The following SRGAP1 variants were observed in gnomAD, a reference collection of about 807,000 sequenced individuals.
The protein encoded by SRGAP1 is SLIT-ROBO Rho GTPase-activating protein 1.
Under a neutral mutation model 121.9 loss-of-function variants are expected in SRGAP1, and 43 were observed. The ratio of observed to expected loss-of-function variants is 0.35; its 90% CI spans 0.28 to 0.46. The LOEUF is 0.46. Among genes scored for constraint, SRGAP1 ranks in the 20% least tolerant of loss-of-function variants. The pLI, the probability that SRGAP1 is intolerant of heterozygous loss-of-function variation, is 1.00. For missense variants in SRGAP1, 1,102 were observed against 1,350.9 expected (o/e 0.82, Z 2.89); for synonymous variants, 447 against 485.4 (o/e 0.92, Z 1.04).
rs541019579 is a variant in SRGAP1, at chr12:64,089,413, G to T, written c.1437-1863G>T. On this transcript the variant is annotated intron_variant, in intron 11 of 21. Coordinates refer to ENST00000355086, the MANE Select transcript of SRGAP1 (RefSeq NM_020762.4). Reference sequence around the variant, plus strand: ...GGTGCTTCCTTCTGTGGCCTCCCTGGTGGTGGGGCACATCCCCAACTCTTT... The same window carrying T: ...GGTGCTTCCTTCTGTGGCCTCCCTGTTGGTGGGGCACATCCCCAACTCTTT... 2.6e-4 allele frequency among the ~76,000 whole-genome samples: 39 copies of T among 152,306 alleles called. No homozygotes were observed. The South Asian group carries it at 7.9e-3, about 31-fold the overall frequency.
At chr12:63,860,264 G>A (rs1247676616) in intron 1 of SRGAP1, among the ~76,000 whole-genome samples, 4 of 152,268 alleles carry the variant, frequency 2.6e-5, no homozygotes, top group Admixed American at 1.3e-4. Flanking sequence ...GCCTGCCTTG[G>A]ACTCCCAAAG....
chr12:64,125,871 T>C (rs2036678830), intron 18 of SRGAP1, 106 bp from the exon 19 acceptor site: 3 of 1,146,020 alleles, frequency 2.6e-6, no homozygotes, highest in Non-Finnish European at 3.7e-6. Flanking sequence ...AGTCTAGATA[T>C]TAAAATGGTC....
intron 1 of SRGAP1, among the ~76,000 whole-genome samples, chr12:63,855,473 GTTTTTTTTTTTTTTTTTTTTT>G (rs781701925): frequency 1.9e-5 from 1 of 52,898 alleles, no homozygotes; most frequent in Admixed American, 3.4e-4. Flanking sequence ...GAAAAATGGT[GTTTTTTTTTTTTTTTTTTTTT>G]TTTTTTTTTT....
chr12:64,084,034 A>C (rs1158327666), intron 10 of SRGAP1, among the ~76,000 whole-genome samples: 5 of 152,224 alleles, frequency 3.3e-5, no homozygotes, highest in Non-Finnish European at 7.3e-5. Flanking sequence ...AAAGGACTGG[A>C]AAGTAATGCC....
intron 1 of SRGAP1, among the ~76,000 whole-genome samples, chr12:63,943,392 C>A (rs1173845932): frequency 6.6e-6 from 1 of 152,204 alleles, no homozygotes; most frequent in Non-Finnish European, 1.5e-5. Context: ...GAGCTCTTAG[C>A]TATGCCAGGC....
rs1467425696 is a variant in SRGAP1 at position 64,155,568 on chromosome 12, TTAAAAAA to T, written c.*12901_*12907del. On this transcript the variant is annotated 3_prime_UTR_variant, in exon 22 of 22. Coordinates refer to ENST00000355086, the MANE Select transcript of SRGAP1 (RefSeq NM_020762.4). Reference sequence around the variant, plus strand: ...CAAAATAAATAAATAAATAAATATATTAAAAAATAAACAAGTTCAGGCTTGTTAAATA... The same window carrying T: ...CAAAATAAATAAATAAATAAATATATTAAACAAGTTCAGGCTTGTTAAATA... The T allele has an allele frequency of 6.6e-6, 1 of 151,746 alleles. No homozygotes were observed. The highest frequency in any genetic ancestry group is 1.5e-5 in the Non-Finnish European group (1 of 67,972). The allele number at this position is 151,746 out of a possible 1,614,324, so 9.4% of individuals were successfully genotyped here.
intron 11 of SRGAP1, among the ~76,000 whole-genome samples, chr12:64,089,861 G>A (rs916409361): frequency 6.6e-6 from 1 of 152,200 alleles, no homozygotes; most frequent in Non-Finnish European, 1.5e-5. Flanking sequence ...TGTACCAGTA[G>A]GTTTGTTTCC....
At chr12:63,949,076 A>ATATGAATTTTCCATG (rs2032175865) in intron 1 of SRGAP1, among the ~76,000 whole-genome samples, 1 of 139,758 alleles carries the variant, frequency 7.2e-6, no homozygotes, top group South Asian at 2.3e-4. Context: ...TATTTTCCAT[A>ATATGAATTTTCCATG]TATGTATTTT....
At position 64,107,674 on chromosome 12, in the gene SRGAP1, A is replaced by G. The variant is rs555678823; in HGVS notation, c.1814-1258A>G. Among the ~76,000 whole-genome samples the G allele has an allele frequency of 1.3e-4, 20 of 152,312 alleles. No homozygotes were observed. In the South Asian group the frequency reaches 3.9e-3, roughly 30 times the overall value. ...TTAAAAAACAACAATAATAATGAGAATGAGTTGACTATGGTGTCAGAGGCT... is the reference window on the plus strand; with the variant it reads ...TTAAAAAACAACAATAATAATGAGAGTGAGTTGACTATGGTGTCAGAGGCT... On this transcript the variant is annotated intron_variant, in intron 15 of 21. Coordinates refer to ENST00000355086, the MANE Select transcript of SRGAP1 (RefSeq NM_020762.4).
At chr12:64,015,264 G>A (rs1565640193) in intron 3 of SRGAP1, among the ~76,000 whole-genome samples, 1 of 152,136 alleles carries the variant, frequency 6.6e-6, no homozygotes, top group African/African-American at 2.4e-5. Flanking sequence ...TGAAGTCATA[G>A]GAGATTTGTA....
intron 2 of SRGAP1, among the ~76,000 whole-genome samples, chr12:63,984,378 A>C (rs1593005163): frequency 6.6e-6 from 1 of 152,204 alleles, no homozygotes; most frequent in Non-Finnish European, 1.5e-5. Flanking sequence ...GGATAGCTTT[A>C]TATGCCAGAA....
chr12:63,930,653 T>C (rs1241955520), intron 1 of SRGAP1, among the ~76,000 whole-genome samples: 1 of 152,094 alleles, frequency 6.6e-6, no homozygotes, highest in Non-Finnish European at 1.5e-5. Context: ...ATTTCTTTTC[T>C]CAGAAGAAAG....
chr12:63,899,123 A>G (rs1900846524), intron 1 of SRGAP1, among the ~76,000 whole-genome samples: 1 of 152,152 alleles, frequency 6.6e-6, no homozygotes, highest in African/African-American at 2.4e-5. Flanking sequence ...CTGTAATCCC[A>G]GCACTCCTAG....
chr12:63,846,270 A>G (rs941424205), intron 1 of SRGAP1, among the ~76,000 whole-genome samples: 1 of 152,168 alleles, frequency 6.6e-6, no homozygotes, highest in Non-Finnish European at 1.5e-5. Context: ...GAGCCAGGTA[A>G]ACTTTCTAAT....
At chr12:64,024,650 T>G (rs58129443) in intron 4 of SRGAP1, among the ~76,000 whole-genome samples, 6,019 of 152,224 alleles carry the variant, frequency 0.04, 413 homozygotes, top group African/African-American at 0.14. Flanking sequence ...TTAGTCCGTT[T>G]TCACACTGCA....
chr12:63,947,803 C>T (rs370580150), intron 1 of SRGAP1, among the ~76,000 whole-genome samples: 1 of 152,202 alleles, frequency 6.6e-6, no homozygotes, highest in Non-Finnish European at 1.5e-5. Context: ...TAGCTCATTG[C>T]ACTCACCACA....
At chr12:64,047,961 T>A (rs1467086624) in intron 6 of SRGAP1, among the ~76,000 whole-genome samples, 1 of 152,160 alleles carries the variant, frequency 6.6e-6, no homozygotes, top group African/African-American at 2.4e-5. Flanking sequence ...CCTCAAGCAT[T>A]TATCATTTCT....
At chr12:63,956,128 C>T (rs2032456594) in intron 1 of SRGAP1, among the ~76,000 whole-genome samples, 1 of 151,986 alleles carries the variant, frequency 6.6e-6, no homozygotes. Context: ...TGGCGCAATC[C>T]CGAGTAGTTG....
intron 1 of SRGAP1, among the ~76,000 whole-genome samples, chr12:63,938,891 A>G (rs1191916452): frequency 6.6e-6 from 1 of 151,946 alleles, no homozygotes; most frequent in Non-Finnish European, 1.5e-5. Flanking sequence ...GTAGTGACTC[A>G]TACCTGTAAT....
Sources: allele counts gnomAD v4.1 joint callset (sites outside exome capture counted in the v4.1 genomes callset), GRCh38; gene constraint gnomAD v4.1.1; transcripts MANE v1.5; gene names NCBI Gene and HGNC (gene_info 2026-07-23, HGNC 2026-07-21).